The following PAPPA2 variants were observed in gnomAD, a reference collection of about 807,000 sequenced individuals.
PAPPA2 encodes pappalysin-2.
In PAPPA2, 86 loss-of-function variants were observed where a neutral mutation model predicts 176.4. That is an observed-to-expected ratio of 0.49 (90% confidence interval 0.41 to 0.58). The LOEUF (loss-of-function observed/expected upper bound fraction) is 0.58, where lower values mean the gene tolerates loss of function less well. Among genes scored for constraint, PAPPA2 ranks in the 20% least tolerant of loss-of-function variants. The probability of loss-of-function intolerance (pLI) is 0.00; values close to 1 mark genes in which losing one functional copy is unlikely to be tolerated. For synonymous variants in PAPPA2, 809 were observed against 852.2 expected (o/e 0.95, Z 0.88); for missense variants, 2,073 against 2,256.9 (o/e 0.92, Z 1.65).
At chr1:176,623,693 CTT>C (rs1250707893) in intron 3 of PAPPA2, among the ~76,000 whole-genome samples, 12 of 115,528 alleles carry the variant, frequency 1.0e-4, no homozygotes, top group Non-Finnish European at 1.9e-4. Flanking sequence ...TTCTCTCTCT[CTT>C]TCCTTTCTTT....
At chr1:176,723,091 G>C (rs1471167875) in intron 12 of PAPPA2, among the ~76,000 whole-genome samples, 1 of 152,148 alleles carries the variant, frequency 6.6e-6, no homozygotes, top group Non-Finnish European at 1.5e-5. Flanking sequence ...CATGGTACCA[G>C]GGTAGTAGGG....
chr1:176,581,658 T>C (rs182719699), intron 2 of PAPPA2, among the ~76,000 whole-genome samples: 44 of 152,226 alleles, frequency 2.9e-4, no homozygotes, highest in South Asian at 1.0e-3. Flanking sequence ...GTTTTCCTTG[T>C]AGAGATCTTT....
chr1:176,663,979 CTG>C (rs1162813575), intron 3 of PAPPA2, among the ~76,000 whole-genome samples: 3 of 152,100 alleles, frequency 2.0e-5, no homozygotes, highest in Non-Finnish European at 4.4e-5. Flanking sequence ...TTGCCAAAAA[CTG>C]GAGTGGTGAA....
chr1:176,822,610 G>T (rs890877899), intron 21 of PAPPA2, among the ~76,000 whole-genome samples: 7 of 152,132 alleles, frequency 4.6e-5, no homozygotes, highest in Non-Finnish European at 1.0e-4. Flanking sequence ...AAGTTCTTAG[G>T]CTGTTTCCTC....
chr1:176,844,228 A>T lies in PAPPA2; in HGVS notation c.*1774A>T, dbSNP rs958010627. The T allele has an allele frequency of 2.6e-5, 4 of 152,196 alleles. No homozygotes were observed. The highest frequency in any genetic ancestry group is 4.4e-5 in the Non-Finnish European group (3 of 68,026). The allele number at this position is 152,196 out of a possible 1,614,324, so 9.4% of individuals were successfully genotyped here. On this transcript the variant is annotated 3_prime_UTR_variant, in exon 23 of 23. Transcript: ENST00000367662. The stretch of plus-strand genomic sequence containing the variant: ...TGGAAACCAAGAACAGACAAAATTT[A>T]GAGCTCAGCTGTGGTCTCTTCTCAT...
chr1:176,566,773 G>A (rs1652009583), intron 2 of PAPPA2, among the ~76,000 whole-genome samples: 1 of 152,030 alleles, frequency 6.6e-6, no homozygotes, highest in Non-Finnish European at 1.5e-5. Context: ...GTTTCTTTGG[G>A]CTGACCATGT....
At chr1:176,476,706 C>T (rs1227337448) in intron 1 of PAPPA2, among the ~76,000 whole-genome samples, 1 of 152,198 alleles carries the variant, frequency 6.6e-6, no homozygotes, top group African/African-American at 2.4e-5. Context: ...GTTTTGGAAC[C>T]ATGACTAGGA....
In PAPPA2 at chr1:176,556,877, A is replaced by G. The variant is rs758121197; in HGVS notation, c.555A>G (p.Pro185=). Residue 185 remains proline, a synonymous_variant, in exon 2 of 23, where the codon CCA becomes CCG. Coordinates refer to ENST00000367662, the MANE Select transcript of PAPPA2 (RefSeq NM_020318.3). ...TCACAACCCTGAACGAACCCAAACCAGAGACCCAAAGGAGGGGCTGGGCCA... is the reference window on the plus strand; with the variant it reads ...TCACAACCCTGAACGAACCCAAACCGGAGACCCAAAGGAGGGGCTGGGCCA... The part of the protein sequence containing the change: ...AIFTTLNEPK[P]ETQRRGWAKS... 1.9e-6 allele frequency: 3 copies of G among 1,614,162 alleles called. No individual in the cohort carries two copies. The highest frequency in any genetic ancestry group is 4.5e-5 in the East Asian group (2 of 44,876).
intron 9 of PAPPA2, among the ~76,000 whole-genome samples, chr1:176,703,922 C>T (rs528354231): frequency 4.6e-5 from 7 of 152,198 alleles, no homozygotes; most frequent in Non-Finnish European, 8.8e-5. Flanking sequence ...CCACTTGACA[C>T]TGTTGTTGTT....
rs551589184 is a variant in PAPPA2, at chr1:176,749,652, T to C, written c.4151+9456T>C. ...CCAAACTTCTCACAACCATTAATAT[T>C]TTTACCATCTCCATCATTTTGCCTT... On this transcript the variant is annotated intron_variant, in intron 14 of 22. Transcript: ENST00000367662. 4.7e-4 allele frequency among the ~76,000 whole-genome samples: 71 copies of C among 152,302 alleles called. 1 individual carries two copies. In the South Asian group the frequency reaches 0.014, roughly 31 times the overall value.
At chr1:176,760,967 G>A (rs937731351) in intron 14 of PAPPA2, among the ~76,000 whole-genome samples, 4 of 151,904 alleles carry the variant, frequency 2.6e-5, no homozygotes, top group Non-Finnish European at 5.9e-5. Context: ...GACTACAGGC[G>A]CCTGCCACCA....
intron 3 of PAPPA2, among the ~76,000 whole-genome samples, chr1:176,642,405 C>A (rs1242800273): frequency 6.6e-6 from 1 of 151,668 alleles, no homozygotes; most frequent in Non-Finnish European, 1.5e-5. Flanking sequence ...AGAAATAATA[C>A]AAGCAAAAGG....
rs150105070 is a variant in PAPPA2 at position 176,594,614 on chromosome 1, G to A, written c.1010G>A (p.Arg337His). The A allele has an allele frequency of 5.6e-6, 9 of 1,614,184 alleles. No individual in the cohort carries two copies. The highest frequency in any genetic ancestry group is 1.3e-5 in the African/African-American group (1 of 75,046). The change falls in exon 3 of 23, where the codon CGC becomes CAC. Residue 337 changes from arginine (R) to histidine (H), a missense_variant. Arg to His is a conservative substitution (Grantham distance 29). This residue lies in a region of PAPPA2 where 1,196 missense variants were observed against 1,330.4 expected (regional missense o/e 0.90). Coordinates refer to ENST00000367662, the MANE Select transcript of PAPPA2 (RefSeq NM_020318.3). The stretch of plus-strand genomic sequence containing the variant: ...AAGGACAAGGGAAAGCGGGATGCTC[G>A]CTTCTTCTTCTCCCTCTGCACCGAC... ...SGKDKGKRDA[R>H]FFFSLCTDRV...
In PAPPA2 at chr1:176,557,031, G is replaced by A. The variant is rs768870465; in HGVS notation, c.709G>A (p.Glu237Lys). The A allele has an allele frequency of 1.7e-5, 27 of 1,613,992 alleles. No homozygotes were observed. The highest frequency in any genetic ancestry group is 2.3e-5 in the Non-Finnish European group (27 of 1,180,026). Residue 237 changes from glutamate to lysine, a missense_variant, in exon 2 of 23, where the codon GAG becomes AAG. Transcript: ENST00000367662. ...ACACAGGGTCAAAAAGAGTCCACCGGAGGAAAGCAACCAAAATGGTGGAGA... is the reference window on the plus strand; with the variant it reads ...ACACAGGGTCAAAAAGAGTCCACCGAAGGAAAGCAACCAAAATGGTGGAGA... The part of the protein sequence containing the change: ...LKHRVKKSPP[E>K]ESNQNGGEGS...
At position 176,731,228 on chromosome 1, in the gene PAPPA2, T is replaced by A. The variant is rs191696446; in HGVS notation, c.3799-8398T>A. Among the ~76,000 whole-genome samples the A allele has an allele frequency of 2.0e-3, 307 of 152,226 alleles. 3 individuals carry two copies. Among genetic ancestry groups the A allele is most frequent in the Admixed American group, 0.016 (239 of 15,274 alleles). ...TTTGTTTTCCTTATTGTGAATTTTTTAAGTTGATGTGTTTCATTTTTTATT... is the reference window on the plus strand; with the variant it reads ...TTTGTTTTCCTTATTGTGAATTTTTAAAGTTGATGTGTTTCATTTTTTATT... On this transcript the variant is annotated intron_variant, in intron 12 of 22. Coordinates refer to ENST00000367662, the MANE Select transcript of PAPPA2 (RefSeq NM_020318.3).
chr1:176,590,288 G>A (rs1573088570), intron 2 of PAPPA2, among the ~76,000 whole-genome samples: 1 of 152,170 alleles, frequency 6.6e-6, no homozygotes, highest in African/African-American at 2.4e-5. Flanking sequence ...TGGTTCATCA[G>A]AGCCAATTGT....
At chr1:176,758,181 T>A (rs1392831029) in intron 14 of PAPPA2, among the ~76,000 whole-genome samples, 3 of 152,238 alleles carry the variant, frequency 2.0e-5, no homozygotes. Flanking sequence ...CAGATGAGAA[T>A]CTTTAGAGGA....
At chr1:176,787,780 G>T (rs1665004819) in intron 17 of PAPPA2, among the ~76,000 whole-genome samples, 1 of 152,108 alleles carries the variant, frequency 6.6e-6, no homozygotes, top group South Asian at 2.1e-4. Flanking sequence ...GATTTCATAG[G>T]CCGGGCACAT....
intron 3 of PAPPA2, among the ~76,000 whole-genome samples, chr1:176,596,454 G>A (rs1461009717): frequency 6.6e-6 from 1 of 152,108 alleles, no homozygotes; most frequent in Non-Finnish European, 1.5e-5. Context: ...TTCCCATGGT[G>A]GGCTCTCTCT....
Sources: allele counts gnomAD v4.1 joint callset (sites outside exome capture counted in the v4.1 genomes callset), GRCh38; gene constraint gnomAD v4.1.1; regional missense constraint gnomAD v4.1.1; transcripts MANE v1.5; gene names NCBI Gene and HGNC (gene_info 2026-07-23, HGNC 2026-07-21).